Variants in UBXN7 observed in about 807,000 individuals in gnomAD.
The protein encoded by UBXN7 is UBX domain-containing protein 7.
UBXN7 carries 9 observed loss-of-function variants against 58.0 expected under a neutral mutation model. That is an observed-to-expected ratio of 0.16 (90% CI 0.09 to 0.27). UBXN7 has a LOEUF of 0.27. Among genes scored for constraint, UBXN7 ranks in the 10% least tolerant of loss-of-function variants. UBXN7 has a pLI of 1.00. For missense variants in UBXN7, 328 were observed against 599.6 expected, an observed-to-expected ratio of 0.55 and a Z score of 4.73; for synonymous variants, 208 against 205.0, an observed-to-expected ratio of 1.01 and a Z score of -0.12.
intron 1 of UBXN7, among the ~76,000 whole-genome samples, chr3:196,410,002 G>A (rs375409496): frequency 6.7e-6 from 1 of 149,358 alleles, no homozygotes; most frequent in African/African-American, 2.5e-5. Flanking sequence ...GTGTAATGGT[G>A]CGATCTTGGC....
rs1315823830 is a variant in UBXN7 at position 196,349,915 on chromosome 3, AT to A, written c.*6769del. 2 of 152,218 alleles carry A rather than the reference AT, an allele frequency of 1.3e-5. No homozygotes were observed. The highest frequency in any genetic ancestry group is 2.9e-5 in the Non-Finnish European group (2 of 68,040). The allele number at this position is 152,218 out of a possible 1,614,324, so 9.4% of individuals were successfully genotyped here. A position where few individuals can be genotyped will look rare whatever the true frequency, so the allele number is the denominator to read the frequency against. On this transcript the variant is annotated 3_prime_UTR_variant, in exon 11 of 11. Transcript: ENST00000296328. The stretch of plus-strand genomic sequence containing the variant: ...CCAGCTTAGCTTGACTATTCTTCCC[AT>A]TTGAAAACCCAAATGACCTTTAGAA...
chr3:196,401,298 TACACACACACAC>T (rs71630187), intron 3 of UBXN7, among the ~76,000 whole-genome samples: 3 of 61,692 alleles, frequency 4.9e-5, no homozygotes, highest in African/African-American at 8.7e-5. Flanking sequence ...TATATATATA[TACACACACACAC>T]ACACACACAC....
At chr3:196,431,953 G>A (rs1294731449) in intron 1 of UBXN7, 2 of 427,450 alleles carry the variant, frequency 4.7e-6, no homozygotes, top group African/African-American at 4.0e-5. Context: ...GCTGCACAGA[G>A]AAGGGAAGAT....
intron 1 of UBXN7, among the ~76,000 whole-genome samples, chr3:196,413,662 G>C (rs1447415625): frequency 6.6e-6 from 1 of 152,096 alleles, no homozygotes; most frequent in Non-Finnish European, 1.5e-5. Flanking sequence ...TATGTCCACT[G>C]CTACAGTCTT....
chr3:196,417,643 C>T (rs968058753), intron 1 of UBXN7, among the ~76,000 whole-genome samples: 2 of 144,674 alleles, frequency 1.4e-5, no homozygotes, highest in African/African-American at 2.5e-5. Context: ...GTGGCTCACA[C>T]TGTAATCCCA....
At chr3:196,380,236 CG>C (rs1729159905) in intron 5 of UBXN7, among the ~76,000 whole-genome samples, 1 of 140,850 alleles carries the variant, frequency 7.1e-6, no homozygotes, top group South Asian at 2.2e-4. Flanking sequence ...CCAGCCTGGG[CG>C]AAAGAGCGAG....
intron 3 of UBXN7, among the ~76,000 whole-genome samples, chr3:196,398,054 G>C (rs1297138884): frequency 6.6e-6 from 1 of 152,124 alleles, no homozygotes; most frequent in Non-Finnish European, 1.5e-5. Context: ...AGACATGATG[G>C]GATTTCACTT....
intron 1 of UBXN7, among the ~76,000 whole-genome samples, chr3:196,421,609 C>T (rs1730688864): frequency 6.6e-6 from 1 of 151,698 alleles, no homozygotes; most frequent in Admixed American, 6.6e-5. Context: ...CCCCCAGTCT[C>T]TAGTAAAAAT....
At position 196,350,741 on chromosome 3, in the gene UBXN7, T is replaced by C. The variant is rs145881463; in HGVS notation, c.*5944A>G. On this transcript the variant is annotated 3_prime_UTR_variant, in exon 11 of 11. Transcript: ENST00000296328. ...AACCATCACTGAAATACCAAATCTC[T>C]ATGTAACAGGAGAAACCGATATATT... The C allele has an allele frequency of 6.4e-4, 97 of 152,288 alleles. No homozygotes were observed. The highest frequency in any genetic ancestry group is 2.2e-3 in the African/African-American group (91 of 41,572). The allele number at this position is 152,288 out of a possible 1,614,324, so 9.4% of individuals were successfully genotyped here. A position where few individuals can be genotyped will look rare whatever the true frequency, so the allele number is the denominator to read the frequency against.
At position 196,407,235 on chromosome 3, in the gene UBXN7, T is replaced by C. The variant is rs1560238209; in HGVS notation, c.221+11A>G. 3 of 1,612,624 alleles carry C rather than the reference T, an allele frequency of 1.9e-6. No individual in the cohort carries two copies. The African/African-American group carries it at 4.0e-5, about 22-fold the overall frequency. On this transcript the variant is annotated intron_variant, in intron 2 of 10. Coordinates refer to ENST00000296328, the MANE Select transcript of UBXN7 (RefSeq NM_015562.2). Reference sequence around the variant, plus strand: ...ATGGATAGCTCCTGACAACACATAATAAATTCATACTCTGTGTGTGGTCTG... The same window carrying C: ...ATGGATAGCTCCTGACAACACATAACAAATTCATACTCTGTGTGTGGTCTG...
intron 5 of UBXN7, 32 bp from the exon 6 acceptor site, chr3:196,372,074 A>C: frequency 6.4e-7 from 1 of 1,558,666 alleles, no homozygotes; most frequent in Non-Finnish European, 8.7e-7. Flanking sequence ...TTTGTTAGAA[A>C]TAATTTCTAC....
chr3:196,393,532 A>T (rs761346518), intron 4 of UBXN7, 22 bp downstream of exon 4: 8 of 1,604,442 alleles, frequency 5.0e-6, no homozygotes, highest in Non-Finnish European at 6.0e-6. Flanking sequence ...GGGAGATGAT[A>T]AACTGGTCCA....
intron 1 of UBXN7, among the ~76,000 whole-genome samples, chr3:196,420,190 A>G (rs947106685): frequency 1.2e-4 from 19 of 152,060 alleles, no homozygotes; most frequent in African/African-American, 4.3e-4. Flanking sequence ...GGCTAATAAA[A>G]CAAGTTTGAC....
chr3:196,368,320 A>G (rs187601420), intron 7 of UBXN7, among the ~76,000 whole-genome samples, 165 bp from the exon 8 acceptor site: 2 of 152,366 alleles, frequency 1.3e-5, no homozygotes. Context: ...TAAAGGTAAT[A>G]TCTAGAATCT....
chr3:196,397,242 A>G (rs1729804751), intron 3 of UBXN7, among the ~76,000 whole-genome samples: 1 of 152,206 alleles, frequency 6.6e-6, no homozygotes, highest in South Asian at 2.1e-4. Flanking sequence ...CTAAGCTATA[A>G]AGAGCTAAAA....
intron 3 of UBXN7, among the ~76,000 whole-genome samples, chr3:196,399,505 T>C (rs956420925): frequency 6.6e-6 from 1 of 152,194 alleles, no homozygotes; most frequent in Non-Finnish European, 1.5e-5. Context: ...GGCATGATCA[T>C]AGTTCACTGC....
At chr3:196,376,338 T>A (rs959067140) in intron 5 of UBXN7, among the ~76,000 whole-genome samples, 2 of 150,798 alleles carry the variant, frequency 1.3e-5, no homozygotes, top group African/African-American at 4.9e-5. Context: ...AGGTCAGGAG[T>A]TCGAGACCAG....
intron 5 of UBXN7, among the ~76,000 whole-genome samples, chr3:196,388,814 T>C (rs907007800): frequency 2.0e-5 from 3 of 152,196 alleles, no homozygotes; most frequent in African/African-American, 4.8e-5. Flanking sequence ...ATCTCCCTAA[T>C]TGTTATAAAA....
chr3:196,370,164 A>T (rs1406705245), intron 6 of UBXN7, among the ~76,000 whole-genome samples: 3 of 150,668 alleles, frequency 2.0e-5, no homozygotes, highest in Non-Finnish European at 3.0e-5. Flanking sequence ...ATGGCTCCAC[A>T]TGGTGGCTCG....
Sources: allele counts gnomAD v4.1 joint callset (sites outside exome capture counted in the v4.1 genomes callset), GRCh38; gene constraint gnomAD v4.1.1; transcripts MANE v1.5; gene names NCBI Gene and HGNC (gene_info 2026-07-23, HGNC 2026-07-21).